Variants in AUH observed in about 807,000 individuals in gnomAD.
AUH encodes methylglutaconyl-CoA hydratase, mitochondrial.
AUH carries 29 observed loss-of-function variants against 42.3 expected under a neutral mutation model. The observed-to-expected ratio is 0.69, with a 90% CI of 0.51 to 0.93. The LOEUF is 0.93. AUH is among the 40% of genes least tolerant of loss of function. The probability of loss-of-function intolerance (pLI) is 0.00; values close to 1 mark genes in which losing one functional copy is unlikely to be tolerated. For synonymous variants in AUH, 174 were observed against 166.4 expected (o/e 1.05, Z -0.35); for missense variants, 452 against 438.1 (o/e 1.03, Z -0.28).
At chr9:91,294,410 C>T (rs1281264423) in intron 6 of AUH, among the ~76,000 whole-genome samples, 2 of 151,984 alleles carry the variant, frequency 1.3e-5, no homozygotes, top group African/African-American at 2.4e-5. Context: ...TAGCTGGGCA[C>T]GGTGGTGTGC....
rs189739735 is a variant in AUH, at chr9:91,332,949, G to A, written c.419-7545C>T. ...CTCCCAGAACCACTCTGCGGTTCTC[G>A]CTCTCTTATCAGGAAAGAACGCTGG... On this transcript the variant is annotated intron_variant, in intron 3 of 9. Transcript: ENST00000375731. 3.6e-3 allele frequency among the ~76,000 whole-genome samples: 520 copies of A among 146,458 alleles called. 21 individuals are homozygous for A. In the East Asian group the frequency reaches 0.081, roughly 23 times the overall value.
chr9:91,285,418 T>C (rs1337903395), intron 6 of AUH, among the ~76,000 whole-genome samples: 1 of 151,358 alleles, frequency 6.6e-6, no homozygotes, highest in African/African-American at 2.4e-5. Context: ...ATGTAACAAA[T>C]CTGCACATTG....
intron 6 of AUH, among the ~76,000 whole-genome samples, chr9:91,261,717 A>T (rs1001041028): frequency 2.0e-5 from 3 of 152,238 alleles, no homozygotes; most frequent in African/African-American, 7.2e-5. Context: ...CTAGGCAGAA[A>T]GCAGCAGTGA....
intron 4 of AUH, among the ~76,000 whole-genome samples, chr9:91,321,664 A>T (rs1435589984): frequency 6.6e-6 from 1 of 152,210 alleles, no homozygotes; most frequent in African/African-American, 2.4e-5. Flanking sequence ...TTCAAAGAAA[A>T]ATCAGACCCA....
chr9:91,243,035 T>C (rs1828605499), intron 6 of AUH, among the ~76,000 whole-genome samples: 1 of 152,226 alleles, frequency 6.6e-6, no homozygotes, highest in Non-Finnish European at 1.5e-5. Flanking sequence ...TGTAATGGAA[T>C]ACATTACTCT....
At chr9:91,348,223 A>G (rs1324826624) in intron 3 of AUH, among the ~76,000 whole-genome samples, 1 of 152,230 alleles carries the variant, frequency 6.6e-6, no homozygotes, top group Non-Finnish European at 1.5e-5. Flanking sequence ...ATGACTTTGT[A>G]TCCATTAGGA....
chr9:91,340,321 G>GA (rs1300817234), intron 3 of AUH, among the ~76,000 whole-genome samples: 4 of 151,446 alleles, frequency 2.6e-5, no homozygotes, highest in Non-Finnish European at 5.9e-5. Flanking sequence ...TAATTCTAAA[G>GA]AAAAAAAATT....
chr9:91,251,140 T>G (rs1829104138), intron 6 of AUH, among the ~76,000 whole-genome samples: 1 of 152,124 alleles, frequency 6.6e-6, no homozygotes, highest in Non-Finnish European at 1.5e-5. Context: ...ACCTCCTAGG[T>G]AAGGTAGACA....
chr9:91,225,545 T>TA (rs1554690251), intron 6 of AUH, among the ~76,000 whole-genome samples: 1 of 151,582 alleles, frequency 6.6e-6, no homozygotes, highest in Non-Finnish European at 1.5e-5. Context: ...GTTCTTTTTT[T>TA]TTATTATTAT....
intron 6 of AUH, among the ~76,000 whole-genome samples, chr9:91,247,338 T>C (rs1327133839): frequency 6.6e-6 from 1 of 152,032 alleles, no homozygotes; most frequent in Non-Finnish European, 1.5e-5. Context: ...CCATTCCCCT[T>C]CCCTGCCTCG....
At chr9:91,354,222 C>T (rs1832234607) in intron 3 of AUH, among the ~76,000 whole-genome samples, 1 of 151,804 alleles carries the variant, frequency 6.6e-6, no homozygotes, top group South Asian at 2.1e-4. Context: ...AGAACAGTTC[C>T]ATCATATACA....
chr9:91,260,965 G>A (rs1829677274), intron 6 of AUH, among the ~76,000 whole-genome samples: 2 of 152,130 alleles, frequency 1.3e-5, no homozygotes, highest in Admixed American at 6.6e-5. Flanking sequence ...TTTCACTTCA[G>A]AGATTGTACA....
intron 6 of AUH, among the ~76,000 whole-genome samples, chr9:91,287,193 GAGA>G (rs1484521928): frequency 6.6e-6 from 1 of 152,114 alleles, no homozygotes; most frequent in Admixed American, 6.6e-5. Context: ...AGGATGCCCT[GAGA>G]AGAACACAAA....
intron 6 of AUH, among the ~76,000 whole-genome samples, chr9:91,265,360 T>C (rs1829916965): frequency 6.6e-6 from 1 of 152,024 alleles, no homozygotes. Flanking sequence ...TAAATTTTCA[T>C]TTCAGCAATC....
intron 6 of AUH, among the ~76,000 whole-genome samples, chr9:91,271,348 C>T (rs1047289028): frequency 1.3e-5 from 2 of 152,188 alleles, no homozygotes; most frequent in Admixed American, 6.5e-5. Flanking sequence ...GTCAACCTTC[C>T]GTAAATTTCA....
intron 4 of AUH, among the ~76,000 whole-genome samples, chr9:91,320,773 G>A (rs1343750608): frequency 6.6e-6 from 1 of 152,162 alleles, no homozygotes; most frequent in African/African-American, 2.4e-5. Flanking sequence ...GGTCCTGCAC[G>A]TGACCCATAT....
chr9:91,313,919 G>A (rs1045614789), intron 4 of AUH, among the ~76,000 whole-genome samples: 7 of 149,728 alleles, frequency 4.7e-5, no homozygotes, highest in African/African-American at 7.4e-5. Context: ...CGCCTCCTAA[G>A]TTCAAGTGAT....
chr9:91,232,097 T>G (rs1827920123), intron 6 of AUH, among the ~76,000 whole-genome samples: 1 of 152,208 alleles, frequency 6.6e-6, no homozygotes, highest in African/African-American at 2.4e-5. Context: ...ATCAATACAC[T>G]ATGGCCAGGC....
chr9:91,339,288 G>T (rs1329857488), intron 3 of AUH, among the ~76,000 whole-genome samples: 1 of 152,166 alleles, frequency 6.6e-6, no homozygotes, highest in Non-Finnish European at 1.5e-5. Context: ...ATCGTAAATT[G>T]AAAAATCGCT....
Sources: gnomAD v4.1 joint callset for allele counts (sites outside exome capture counted in the v4.1 genomes callset) on GRCh38, gnomAD v4.1.1 for gene constraint, MANE v1.5 for transcripts, NCBI Gene and HGNC (gene_info 2026-07-23, HGNC 2026-07-21) for gene names.